A1CF: variants seen among roughly 807,000 people sequenced by gnomAD.
A1CF encodes the protein APOBEC-1 stimulating protein.
Under a neutral mutation model 68.9 loss-of-function variants are expected in A1CF, and 48 were observed. The ratio of observed to expected loss-of-function variants is 0.70; its 90% CI spans 0.55 to 0.89. The LOEUF is 0.89. Ranked by LOEUF, A1CF falls within the 40% of genes least tolerant of loss-of-function variation. The pLI is 0.00. For missense variants in A1CF, 653 were observed against 718.9 expected, an observed-to-expected ratio of 0.91 and a Z score of 1.05; for synonymous variants, 272 against 260.4, an observed-to-expected ratio of 1.04 and a Z score of -0.43.
At chr10:50,810,982 T>C in intron 11 of A1CF, 58 bp downstream of exon 11, 2 of 1,521,794 alleles carry the variant, frequency 1.3e-6, no homozygotes, top group South Asian at 1.3e-5. Context: ...ACTAAATGCA[T>C]TTAATTTATA....
intron 3 of A1CF, among the ~76,000 whole-genome samples, chr10:50,852,797 T>C (rs1272995750): frequency 6.6e-6 from 1 of 152,134 alleles, no homozygotes; most frequent in Non-Finnish European, 1.5e-5. Flanking sequence ...ATGAAGCCAA[T>C]TAGTAAACCT....
intron 6 of A1CF, among the ~76,000 whole-genome samples, chr10:50,830,290 G>C (rs1258579452): frequency 1.3e-5 from 2 of 152,038 alleles, no homozygotes; most frequent in Non-Finnish European, 2.9e-5. Context: ...GTCTTTCTGT[G>C]TCTGGCTTAT....
At chr10:50,847,751 T>C (rs780173496) in intron 3 of A1CF, among the ~76,000 whole-genome samples, 5 of 152,202 alleles carry the variant, frequency 3.3e-5, no homozygotes, top group Admixed American at 2.0e-4. Flanking sequence ...TACTAAACCA[T>C]GGACAATCAT....
chr10:50,855,229 A>AT (rs959317526), intron 3 of A1CF, among the ~76,000 whole-genome samples: 12 of 151,590 alleles, frequency 7.9e-5, no homozygotes, highest in Admixed American at 2.0e-4. Context: ...TCATAATGTA[A>AT]TTTTTTTTGT....
rs531889694 is a variant in A1CF at position 50,800,740 on chromosome 10, A to G, written c.*5989T>C. ...GGGAAAAAGGGAAATTTTATGAAAA[A>G]GGAAAATAATCTCTCAATGTTATTT... On this transcript the variant is annotated 3_prime_UTR_variant, in exon 13 of 13. Coordinates refer to ENST00000373997, the MANE Select transcript of A1CF (RefSeq NM_014576.4). 1 of 152,294 alleles carries G rather than the reference A, an allele frequency of 6.6e-6. No homozygotes were observed. Among genetic ancestry groups the G allele is most frequent in the African/African-American group, 2.4e-5 (1 of 41,560 alleles). The allele number at this position is 152,294 out of a possible 1,614,324, so 9.4% of individuals were successfully genotyped here.
intron 6 of A1CF, among the ~76,000 whole-genome samples, chr10:50,833,516 G>C (rs879699229): frequency 6.6e-6 from 1 of 152,174 alleles, no homozygotes; most frequent in Admixed American, 6.5e-5. Flanking sequence ...TGTTTAGAGA[G>C]GAGGTAAGTG....
intron 12 of A1CF, 129 bp downstream of exon 12, chr10:50,809,765 G>T: frequency 7.2e-7 from 1 of 1,382,364 alleles, no homozygotes; most frequent in Non-Finnish European, 9.8e-7. Context: ...ACTCTTTTTG[G>T]TCCCAAGGTT....
chr10:50,825,066 GA>G (rs1838853762), intron 7 of A1CF, among the ~76,000 whole-genome samples: 1 of 152,148 alleles, frequency 6.6e-6, no homozygotes, highest in Non-Finnish European at 1.5e-5. Flanking sequence ...GATCTTTGGT[GA>G]ATCTTTCAAA....
Position 50,799,951 on chromosome 10 carries a change from TA to T in A1CF, c.*6777del, listed in dbSNP as rs1320498263. On this transcript the variant is annotated 3_prime_UTR_variant, in exon 13 of 13. Coordinates refer to ENST00000373997, the MANE Select transcript of A1CF (RefSeq NM_014576.4). Reference sequence around the variant, plus strand: ...AACCAGTGATAATGATGAATTGATTTAAATAGATTTATCTGTAGTCTGTGTG... The same window carrying T: ...AACCAGTGATAATGATGAATTGATTTAATAGATTTATCTGTAGTCTGTGTG... 1 of 152,164 alleles carries T rather than the reference TA, an allele frequency of 6.6e-6. No individual in the cohort carries two copies. The highest frequency in any genetic ancestry group is 6.5e-5 in the Admixed American group (1 of 15,268). 9.4% of individuals were successfully genotyped at this position (152,164 alleles called of 1,614,324 possible).
rs1309564854 is a variant in A1CF at position 50,805,915 on chromosome 10, A to C, written c.*814T>G. The C allele has an allele frequency of 6.6e-6, 1 of 152,180 alleles. No individual in the cohort carries two copies. The highest frequency in any genetic ancestry group is 1.5e-5 in the Non-Finnish European group (1 of 68,046). 9.4% of individuals were successfully genotyped at this position (152,180 alleles called of 1,614,324 possible). A position where few individuals can be genotyped will look rare whatever the true frequency, so the allele number is the denominator to read the frequency against. Reference sequence around the variant, plus strand: ...GAAAAATGAGTCTGAGATGATGAAAATCAAGCAATATGAACAAGTCAAAAA... The same window carrying C: ...GAAAAATGAGTCTGAGATGATGAAACTCAAGCAATATGAACAAGTCAAAAA... On this transcript the variant is annotated 3_prime_UTR_variant, in exon 13 of 13. Transcript: ENST00000373997.
chr10:50,813,413 A>G (rs1030495220), intron 10 of A1CF, among the ~76,000 whole-genome samples: 3 of 152,210 alleles, frequency 2.0e-5, no homozygotes, highest in African/African-American at 7.2e-5. Flanking sequence ...TCACCCAGAT[A>G]TCATGGTGGA....
chr10:50,836,795 T>C (rs28621957), intron 5 of A1CF, among the ~76,000 whole-genome samples: 34,046 of 150,492 alleles, frequency 0.23, 4,075 homozygotes, highest in Middle Eastern at 0.3. Context: ...CAGTGTTTGG[T>C]TTTTTGTCCT....
rs1837644174 is a variant in A1CF at position 50,802,612 on chromosome 10, A to C, written c.*4117T>G. ...TTTTATATGAATGCAAGAAGAGAAT[A>C]ATCATGACTTTATGTGAATATTGAG... is the stretch of plus-strand genomic sequence containing the variant. On this transcript the variant is annotated 3_prime_UTR_variant, in exon 13 of 13. Coordinates refer to ENST00000373997, the MANE Select transcript of A1CF (RefSeq NM_014576.4). 1 of 152,204 alleles carries C rather than the reference A, an allele frequency of 6.6e-6. No homozygotes were observed. Among genetic ancestry groups the C allele is most frequent in the African/African-American group, 2.4e-5 (1 of 41,460 alleles). 9.4% of individuals were successfully genotyped at this position (152,204 alleles called of 1,614,324 possible).
intron 6 of A1CF, among the ~76,000 whole-genome samples, chr10:50,835,648 T>A (rs771038793): frequency 2.6e-5 from 4 of 152,194 alleles, no homozygotes; most frequent in Non-Finnish European, 5.9e-5. Context: ...CAGGGAGTCA[T>A]AATGAAAGTA....
rs776154823 is a variant in A1CF, at chr10:50,836,242, T to C, written c.436A>G (p.Thr146Ala). 4.3e-5 allele frequency: 69 copies of C among 1,613,846 alleles called. No individual in the cohort carries two copies. Among genetic ancestry groups the C allele is most frequent in the Non-Finnish European group, 5.8e-5 (68 of 1,179,886 alleles). Reference protein sequence around the residue: ...CRLFVGGIPKTKKREEILSEM... With the variant: ...CRLFVGGIPKAKKREEILSEM... Reference sequence around the variant, plus strand: ...GATAAGATTTCTTCTCTCTTTTTGGTTTTTGGGATGCCCCCAACAAATAAT... The same window carrying C: ...GATAAGATTTCTTCTCTCTTTTTGGCTTTTGGGATGCCCCCAACAAATAAT... Residue 146 changes from threonine (T) to alanine (A), a missense_variant, in exon 6 of 13, where the codon ACC (threonine) becomes GCC (alanine). By Grantham distance (58) the Thr-to-Ala change is moderately conservative (BLOSUM62 0). Coordinates refer to ENST00000373997, the MANE Select transcript of A1CF (RefSeq NM_014576.4).
intron 4 of A1CF, among the ~76,000 whole-genome samples, chr10:50,843,638 T>C (rs907650213): frequency 6.6e-6 from 1 of 152,214 alleles, no homozygotes; most frequent in African/African-American, 2.4e-5. Flanking sequence ...TAAAACTGTA[T>C]TAAAATTTCA....
chr10:50,880,063 C>A (rs377611964), intron 1 of A1CF, among the ~76,000 whole-genome samples: 9 of 152,158 alleles, frequency 5.9e-5, no homozygotes, highest in African/African-American at 2.2e-4. Flanking sequence ...GGAAAAGTAT[C>A]CACAGAGGGT....
intron 1 of A1CF, among the ~76,000 whole-genome samples, chr10:50,884,796 T>C (rs1016811274): frequency 6.6e-6 from 1 of 152,228 alleles, no homozygotes; most frequent in Non-Finnish European, 1.5e-5. Context: ...GGGTTTCTGG[T>C]AAAAATGGGA....
chr10:50,805,265 T>A lies in A1CF; in HGVS notation c.*1464A>T, dbSNP rs974899209. 1 of 152,212 alleles carries A rather than the reference T, an allele frequency of 6.6e-6. No individual in the cohort carries two copies. Among genetic ancestry groups the A allele is most frequent in the South Asian group, 2.1e-4 (1 of 4,834 alleles). The allele number at this position is 152,212 out of a possible 1,614,324, so 9.4% of individuals were successfully genotyped here. On this transcript the variant is annotated 3_prime_UTR_variant, in exon 13 of 13. Transcript: ENST00000373997. ...AATTTTTTTAAGGGCCAAGGGATTTTAAAAAATGAAAATTCTAGTACTGTG... is the reference window on the plus strand; with the variant it reads ...AATTTTTTTAAGGGCCAAGGGATTTAAAAAAATGAAAATTCTAGTACTGTG...
Sources: gnomAD v4.1 joint callset for allele counts (sites outside exome capture counted in the v4.1 genomes callset) on GRCh38, gnomAD v4.1.1 for gene constraint, MANE v1.5 for transcripts, NCBI Gene and HGNC (gene_info 2026-07-23, HGNC 2026-07-21) for gene names.